The following CSMD1 variants were observed in gnomAD, a reference collection of about 807,000 sequenced individuals.
CSMD1 encodes the protein CUB and sushi domain-containing protein 1.
A neutral mutation model predicts 417.5 loss-of-function variants in CSMD1; 213 were observed. The ratio of observed to expected loss-of-function variants is 0.51; its 90% confidence interval spans 0.46 to 0.57. The LOEUF is 0.57. Among genes scored for constraint, CSMD1 ranks in the 20% least tolerant of loss-of-function variants. CSMD1 has a pLI of 0.00. For missense variants in CSMD1, 6,923 were observed against 4,529.7 expected (o/e 1.53, Z -15.17); for synonymous variants, 2,862 against 1,736.8 (o/e 1.65, Z -16.11).
chr8:3,236,398 T>A (rs1044383771), intron 26 of CSMD1, among the ~76,000 whole-genome samples: 2 of 152,136 alleles, frequency 1.3e-5, no homozygotes, highest in Non-Finnish European at 2.9e-5. Flanking sequence ...GTTCCTAGAG[T>A]TAGCCAGATT....
intron 5 of CSMD1, among the ~76,000 whole-genome samples, chr8:3,976,068 A>T (rs972830623): frequency 6.6e-6 from 1 of 152,024 alleles, no homozygotes; most frequent in East Asian, 1.9e-4. Context: ...TGATATGTTA[A>T]ATTTTTTTGG....
chr8:3,126,769 C>T (rs1195086817), intron 41 of CSMD1, among the ~76,000 whole-genome samples: 1 of 152,196 alleles, frequency 6.6e-6, no homozygotes. Context: ...ATGAAGCCAA[C>T]CAAACTGTTG....
chr8:3,687,137 A>C (rs1318190967), intron 7 of CSMD1, among the ~76,000 whole-genome samples: 1 of 152,260 alleles, frequency 6.6e-6, no homozygotes, highest in Non-Finnish European at 1.5e-5. Flanking sequence ...CAGAAATACA[A>C]GCATGATATA....
At chr8:3,178,521 T>C (rs1821083307) in intron 37 of CSMD1, among the ~76,000 whole-genome samples, 1 of 152,140 alleles carries the variant, frequency 6.6e-6, no homozygotes. Flanking sequence ...TAAATGGTAT[T>C]CGTAATAAAA....
intron 10 of CSMD1, among the ~76,000 whole-genome samples, chr8:3,536,599 A>G (rs1798210046): frequency 6.6e-6 from 1 of 152,284 alleles, no homozygotes; most frequent in East Asian, 1.9e-4. Context: ...TCCATCATGA[A>G]TAGTGTGAAC....
At chr8:3,875,105 G>A (rs1298286990) in intron 5 of CSMD1, among the ~76,000 whole-genome samples, 2 of 148,076 alleles carry the variant, frequency 1.4e-5, no homozygotes, top group Admixed American at 1.3e-4. Flanking sequence ...ATCCTAGAGG[G>A]GCTTCAGGAA....
intron 2 of CSMD1, among the ~76,000 whole-genome samples, chr8:4,592,107 G>A (rs1488087361): frequency 2.6e-5 from 4 of 152,026 alleles, no homozygotes; most frequent in Admixed American, 2.0e-4. Flanking sequence ...TGTTTAACGA[G>A]CGGCTTTGCT....
chr8:3,729,169 A>C (rs574908153), intron 6 of CSMD1, among the ~76,000 whole-genome samples: 15 of 152,344 alleles, frequency 9.8e-5, no homozygotes, highest in Non-Finnish European at 1.9e-4. Flanking sequence ...CTCGTTCATG[A>C]CAAGACTTAC....
chr8:3,710,277 G>C (rs1801434085), intron 6 of CSMD1, among the ~76,000 whole-genome samples: 1 of 152,064 alleles, frequency 6.6e-6, no homozygotes, highest in Non-Finnish European at 1.5e-5. Flanking sequence ...CTGCTCAAGG[G>C]TTAACTGTAT....
At chr8:4,630,708 C>A (rs1232829586) in intron 2 of CSMD1, among the ~76,000 whole-genome samples, 4 of 152,086 alleles carry the variant, frequency 2.6e-5, no homozygotes, top group Non-Finnish European at 5.9e-5. Context: ...CTCTGCTGTC[C>A]ACCTCTGGTG....
chr8:3,400,190 C>T (rs930211145), intron 15 of CSMD1, among the ~76,000 whole-genome samples: 7 of 152,116 alleles, frequency 4.6e-5, no homozygotes, highest in Admixed American at 6.5e-5. Context: ...ATACCTGTAT[C>T]ATCTAAAGGA....
rs114674690 is a variant in CSMD1 at position 4,250,623 on chromosome 8, G to T, written c.415+169330C>A. ...TTGATAGGTCTACCAAAATAGTACA[G>T]CAGTTCCTTCCACACTGTATTAGAT... On this transcript the variant is annotated intron_variant, in intron 3 of 69. Coordinates refer to ENST00000635120, the MANE Select transcript of CSMD1 (RefSeq NM_033225.6). Among the ~76,000 whole-genome samples the T allele has an allele frequency of 4.4e-3, 672 of 152,288 alleles. 9 individuals carry two copies. Among genetic ancestry groups the T allele is most frequent in the African/African-American group, 0.015 (641 of 41,558 alleles).
At chr8:4,798,250 A>G (rs139431889) in intron 1 of CSMD1, among the ~76,000 whole-genome samples, 1,569 of 152,202 alleles carry the variant, frequency 0.01, 71 homozygotes, top group Admixed American at 0.066. Context: ...CCTATGAGTG[A>G]GAACATGCGG....
At chr8:3,213,674 T>C (rs1797734353) in intron 30 of CSMD1, among the ~76,000 whole-genome samples, 1 of 146,300 alleles carries the variant, frequency 6.8e-6, no homozygotes, top group Non-Finnish European at 1.5e-5. Flanking sequence ...GGTGTAAATA[T>C]ATATGTGTGT....
At chr8:3,485,267 T>C (rs560415920) in intron 11 of CSMD1, among the ~76,000 whole-genome samples, 1 of 152,178 alleles carries the variant, frequency 6.6e-6, no homozygotes, top group African/African-American at 2.4e-5. Flanking sequence ...CCAGGGAATT[T>C]TGCTGAGTGA....
chr8:3,307,565 T>C, intron 25 of CSMD1, 130 bp downstream of exon 25: 1 of 1,110,676 alleles, frequency 9.0e-7, no homozygotes, highest in Non-Finnish European at 1.3e-6. Context: ...AACTTTTAGC[T>C]ACAGCTTTAC....
chr8:3,778,191 C>T (rs78254525), intron 5 of CSMD1, among the ~76,000 whole-genome samples: 1,981 of 152,288 alleles, frequency 0.013, 39 homozygotes, highest in African/African-American at 0.045. Context: ...GGGGCAGGGA[C>T]GGGATCCTGG....
intron 50 of CSMD1, among the ~76,000 whole-genome samples, chr8:3,049,869 G>C (rs531352278): frequency 9.7e-4 from 148 of 152,190 alleles, no homozygotes; most frequent in African/African-American, 3.3e-3. Context: ...GTTGCGGACG[G>C]TGTGTTTTAT....
chr8:4,779,217 TTA>T (rs1376952033), intron 1 of CSMD1, among the ~76,000 whole-genome samples: 1 of 152,228 alleles, frequency 6.6e-6, no homozygotes. Context: ...ATTAATATTG[TTA>T]TGTTAACGTC....
Sources: gnomAD v4.1 joint callset for allele counts (sites outside exome capture counted in the v4.1 genomes callset) on GRCh38, gnomAD v4.1.1 for gene constraint, MANE v1.5 for transcripts, NCBI Gene and HGNC (gene_info 2026-07-23, HGNC 2026-07-21) for gene names.